Variants in ECI1 observed in about 807,000 individuals in gnomAD.
The protein encoded by ECI1 is enoyl-CoA delta isomerase 1, mitochondrial.
ECI1 carries 34 observed loss-of-function variants against 34.2 expected under a neutral mutation model. That is an observed-to-expected ratio of 1.00 (90% CI 0.76 to 1.33). ECI1 has a LOEUF of 1.33. ECI1 is among the 40% of genes most tolerant of loss of function. The probability of loss-of-function intolerance (pLI) is 0.00; values close to 1 mark genes in which losing one functional copy is unlikely to be tolerated. For missense variants in ECI1, 456 were observed against 422.2 expected (o/e 1.08, Z -0.70); for synonymous variants, 211 against 193.0 (o/e 1.09, Z -0.77).
chr16:2,240,553 A>G (rs1366381327), intron 6 of ECI1: 1 of 263,480 alleles, frequency 3.8e-6, no homozygotes, highest in Non-Finnish European at 7.4e-6. Context: ...GAGACAGGAT[A>G]TTCTCTGTCG....
chr16:2,246,490 A>T (rs1477927189), intron 3 of ECI1, among the ~76,000 whole-genome samples: 1 of 152,164 alleles, frequency 6.6e-6, no homozygotes, highest in Non-Finnish European at 1.5e-5. Context: ...CGGCCCGGGC[A>T]GGGAAGGCTG....
In ECI1 at chr16:2,251,554, C is replaced by A; in HGVS notation, c.13G>T (p.Ala5Ser). MALVASVRVPARVLL... is the reference protein window; with the variant it reads MALVSSVRVPARVLL... The stretch of plus-strand genomic sequence containing the variant: ...ACGCGCGCCGGGACTCGCACAGAAG[C>A]CACCAGCGCCATCTTGACCGCAACG... Residue 5 changes from alanine (A) to serine (S), a missense_variant, in exon 1 of 7, where the codon GCT (alanine) becomes TCT (serine). By Grantham distance (99) the Ala-to-Ser change is moderately conservative (BLOSUM62 1). Coordinates refer to ENST00000301729, the MANE Select transcript of ECI1 (RefSeq NM_001919.4). 1.3e-6 allele frequency: 2 copies of A among 1,558,838 alleles called. No homozygotes were observed. Among genetic ancestry groups the A allele is most frequent in the Middle Eastern group, 1.7e-4 (1 of 5,836 alleles).
At chr16:2,242,975 G>GA in intron 6 of ECI1, 71 bp downstream of exon 6, 1 of 1,256,274 alleles carries the variant, frequency 8.0e-7, no homozygotes, top group Non-Finnish European at 1.1e-6. Flanking sequence ...GATGTCCACA[G>GA]AAAACCTTTG....
In ECI1 at chr16:2,243,010, A is replaced by C. The variant is rs1211969980; in HGVS notation, c.742+36T>G. The C allele has an allele frequency of 4.5e-6, 7 of 1,556,584 alleles. No individual in the cohort carries two copies. In the Middle Eastern group the frequency reaches 1.4e-3, roughly 304 times the overall value. On this transcript the variant is annotated intron_variant, in intron 6 of 6. Coordinates refer to ENST00000301729, the MANE Select transcript of ECI1 (RefSeq NM_001919.4). The stretch of plus-strand genomic sequence containing the variant: ...GGGTGGAGAACCTTCTGGTCTCCCC[A>C]GCATCATCGGGCGCCCGCCATGCCC...
Position 2,244,420 on chromosome 16 carries a change from C to T in ECI1, c.427G>A (p.Val143Ile). 1 of 1,612,494 alleles carries T rather than the reference C, an allele frequency of 6.2e-7. No individual in the cohort carries two copies. Among genetic ancestry groups the T allele is most frequent in the Non-Finnish European group, 8.5e-7 (1 of 1,179,850 alleles). The change falls in exon 4 of 7, where the codon GTC becomes ATC. Residue 143 changes from valine to isoleucine, a missense_variant. By Grantham distance (29) the Val-to-Ile change is conservative. Transcript: ENST00000301729. ...GGGACACTCACGTTGATGGCGGAGA[C>T]CAGCACCAGGTTGGACTGGTACAAC... ...LRLYQSNLVL[V>I]SAINGACPAG...
At chr16:2,247,009 A>G in intron 2 of ECI1, 23 bp from the exon 3 acceptor site, 1 of 1,610,956 alleles carries the variant, frequency 6.2e-7, no homozygotes, top group East Asian at 2.2e-5. Flanking sequence ...ATGAGAAGAG[A>G]AAGCTCACAC....
At chr16:2,249,467 T>G (rs2093547720) in intron 2 of ECI1, among the ~76,000 whole-genome samples, 1 of 152,112 alleles carries the variant, frequency 6.6e-6, no homozygotes, top group Admixed American at 6.5e-5. Context: ...GTGAGGCATA[T>G]TTTAAAGATT....
chr16:2,243,666 A>T (rs2093533630), intron 4 of ECI1, among the ~76,000 whole-genome samples: 1 of 152,198 alleles, frequency 6.6e-6, no homozygotes, highest in Non-Finnish European at 1.5e-5. Context: ...TCCTCAGCCG[A>T]GGGTCATTAG....
At chr16:2,240,204 C>G in intron 6 of ECI1, 59 bp from the exon 7 acceptor site, 1 of 1,558,182 alleles carries the variant, frequency 6.4e-7, no homozygotes. Flanking sequence ...GGGTGATTCC[C>G]AACTTATTTT....
intron 2 of ECI1, among the ~76,000 whole-genome samples, chr16:2,249,936 G>A (rs1471782943): frequency 2.2e-5 from 3 of 138,966 alleles, no homozygotes; most frequent in African/African-American, 5.4e-5. Context: ...CAGAAAGTCA[G>A]GCCTGACTGA....
intron 6 of ECI1, 22 bp from the exon 7 acceptor site, chr16:2,240,167 A>T: frequency 6.2e-7 from 1 of 1,611,664 alleles, no homozygotes; most frequent in Non-Finnish European, 8.5e-7. Flanking sequence ...GGGACGTGCC[A>T]CTGAAATCCC....
At chr16:2,250,654 A>G (rs1163805804) in intron 2 of ECI1, among the ~76,000 whole-genome samples, 2 of 152,084 alleles carry the variant, frequency 1.3e-5, no homozygotes, top group African/African-American at 2.4e-5. Context: ...TACTTTTTCT[A>G]TCCTTTCCAG....
Position 2,242,774 on chromosome 16 carries a change from C to T in ECI1, c.742+272G>A, listed in dbSNP as rs889238401. 9.5e-6 allele frequency: 5 copies of T among 524,170 alleles called. No homozygotes were observed. The Admixed American group carries it at 9.7e-5, about 10-fold the overall frequency. 32.5% of individuals were successfully genotyped at this position (524,170 alleles called of 1,614,324 possible). A position where few individuals can be genotyped will look rare whatever the true frequency, so the allele number is the denominator to read the frequency against. On this transcript the variant is annotated intron_variant, in intron 6 of 6. Transcript: ENST00000301729. Reference sequence around the variant, plus strand: ...GAGGCCTGGAGCCAGCAGAAGTGGGCGGGGCAGGAAGGAGCCTCCCTGGAA... The same window carrying T: ...GAGGCCTGGAGCCAGCAGAAGTGGGTGGGGCAGGAAGGAGCCTCCCTGGAA...
At chr16:2,246,544 G>T (rs2093540786) in intron 3 of ECI1, among the ~76,000 whole-genome samples, 1 of 152,188 alleles carries the variant, frequency 6.6e-6, no homozygotes, top group Admixed American at 6.5e-5. Context: ...CTCTTGGGAA[G>T]GCTGTCTCCC....
At chr16:2,240,430 C>G (rs1209366485) in intron 6 of ECI1, 3 of 384,630 alleles carry the variant, frequency 7.8e-6, no homozygotes, top group East Asian at 5.9e-5. Context: ...AGGCTGGTCC[C>G]GAACTCCTGA....
At chr16:2,241,726 C>CT (rs1318260060) in intron 6 of ECI1, 3 of 152,158 alleles carry the variant, frequency 2.0e-5, no homozygotes, top group Non-Finnish European at 2.9e-5. Flanking sequence ...GAGTCTCACT[C>CT]TGTCACCCAG....
At chr16:2,248,445 C>T (rs185463199) in intron 2 of ECI1, among the ~76,000 whole-genome samples, 58 of 146,218 alleles carry the variant, frequency 4.0e-4, no homozygotes, top group Admixed American at 8.2e-4. Context: ...ACAAGAGCCT[C>T]GCTCTGTTGC....
rs199680856 is a variant in ECI1 at position 2,246,843 on chromosome 16, C to T, written c.294+16G>A. ...CAAGAACTCGGGCTGGGGTAGGGAGCTGAACTAGCACCTACCGAGGTCAGA... is the reference window on the plus strand; with the variant it reads ...CAAGAACTCGGGCTGGGGTAGGGAGTTGAACTAGCACCTACCGAGGTCAGA... On this transcript the variant is annotated intron_variant, in intron 3 of 6. Coordinates refer to ENST00000301729, the MANE Select transcript of ECI1 (RefSeq NM_001919.4). 1.2e-6 allele frequency: 2 copies of T among 1,611,826 alleles called. No homozygotes were observed. The highest frequency in any genetic ancestry group is 2.2e-5 in the East Asian group (1 of 44,868).
Position 2,251,583 on chromosome 16 carries a change from G to C in ECI1, c.-17C>G, listed in dbSNP as rs1266723172. The C allele has an allele frequency of 3.2e-6, 5 of 1,551,590 alleles. No homozygotes were observed. The highest frequency in any genetic ancestry group is 4.4e-6 in the Non-Finnish European group (5 of 1,148,404). ...CAGCGCCATCTTGACCGCAACGCGC[G>C]GGATAAAGGTCGCGGGCTGAGCTCG... is the stretch of plus-strand genomic sequence containing the variant. On this transcript the variant is annotated 5_prime_UTR_variant, in exon 1 of 7. Coordinates refer to ENST00000301729, the MANE Select transcript of ECI1 (RefSeq NM_001919.4).
Sources: gnomAD v4.1 joint callset for allele counts (sites outside exome capture counted in the v4.1 genomes callset) on GRCh38, gnomAD v4.1.1 for gene constraint, MANE v1.5 for transcripts, NCBI Gene and HGNC (gene_info 2026-07-23, HGNC 2026-07-21) for gene names.